Variants in NID2 observed in about 807,000 individuals in gnomAD.
NID2 encodes the protein nidogen-2.
A neutral mutation model predicts 145.4 loss-of-function variants in NID2; 83 were observed. That is an observed-to-expected ratio of 0.57 (90% confidence interval 0.48 to 0.69). NID2 has a LOEUF of 0.69. Ranked by LOEUF, NID2 falls within the 30% of genes least tolerant of loss-of-function variation. The pLI, the probability that NID2 is intolerant of heterozygous loss-of-function variation, is 0.00. For synonymous variants in NID2, 739 were observed against 701.3 expected (o/e 1.05, Z -0.85); for missense variants, 1,807 against 1,765.7 (o/e 1.02, Z -0.42).
At chr14:52,021,200 G>A (rs1595013111) in intron 12 of NID2, among the ~76,000 whole-genome samples, 1 of 129,308 alleles carries the variant, frequency 7.7e-6, no homozygotes, top group African/African-American at 3.0e-5. Context: ...TAATAACCAA[G>A]TTTCTTTAAA....
At chr14:52,047,238 G>T (rs1041622900) in intron 5 of NID2, among the ~76,000 whole-genome samples, 1 of 152,146 alleles carries the variant, frequency 6.6e-6, no homozygotes, top group African/African-American at 2.4e-5. Flanking sequence ...AAGAAATACA[G>T]CAGAGAAAGA....
chr14:52,032,900 A>C (rs1186732611), intron 9 of NID2, among the ~76,000 whole-genome samples: 1 of 152,138 alleles, frequency 6.6e-6, no homozygotes, highest in Non-Finnish European at 1.5e-5. Flanking sequence ...CTAATTACTC[A>C]ATACTGATTT....
chr14:52,023,702 A>C (rs1309421808), intron 12 of NID2, among the ~76,000 whole-genome samples: 1 of 152,188 alleles, frequency 6.6e-6, no homozygotes, highest in Non-Finnish European at 1.5e-5. Flanking sequence ...ATGTCTGAGA[A>C]ATATCCAGCT....
intron 9 of NID2, among the ~76,000 whole-genome samples, chr14:52,035,679 C>CATTTATTTTTAT (rs1227446986): frequency 6.6e-6 from 1 of 151,126 alleles, no homozygotes; most frequent in Admixed American, 6.6e-5. Flanking sequence ...TATTTGCTTC[C>CATTTATTTTTAT]ATTTATTTTT....
chr14:52,030,761 G>T (rs1279540208), intron 9 of NID2, among the ~76,000 whole-genome samples: 1 of 152,190 alleles, frequency 6.6e-6, no homozygotes, highest in African/African-American at 2.4e-5. Context: ...TGAGGCAGGA[G>T]GATGACTTGA....
chr14:52,050,652 T>C (rs1426536853), intron 5 of NID2, among the ~76,000 whole-genome samples: 1 of 152,184 alleles, frequency 6.6e-6, no homozygotes, highest in Non-Finnish European at 1.5e-5. Context: ...TCTCTGTTGC[T>C]CAGGCTATGC....
At chr14:52,061,102 C>T (rs1179959001) in intron 2 of NID2, among the ~76,000 whole-genome samples, 1 of 152,176 alleles carries the variant, frequency 6.6e-6, no homozygotes, top group Non-Finnish European at 1.5e-5. Context: ...TACGTCCCTC[C>T]CAGGCTCAGT....
At chr14:52,014,687 TCAGAACAAAG>T (rs1482022045) in intron 15 of NID2, among the ~76,000 whole-genome samples, 1 of 151,014 alleles carries the variant, frequency 6.6e-6, no homozygotes, top group Admixed American at 6.6e-5. Flanking sequence ...AACACTTCCC[TCAGAACAAAG>T]CAGAACAGAT....
chr14:52,055,944 T>TGTGTGTTTGC (rs1892831167), intron 3 of NID2, among the ~76,000 whole-genome samples: 1 of 151,490 alleles, frequency 6.6e-6, no homozygotes, highest in Non-Finnish European at 1.5e-5. Context: ...TGTGTGTTTG[T>TGTGTGTTTGC]GTGTGTGTGT....
chr14:52,010,991 T>C lies in NID2; in HGVS notation c.3607A>G (p.Thr1203Ala), dbSNP rs977946410. ...IDHIRRTMYW[T>A]DSVLDKIESA... ...TCTATCTTATCCAGGACACTGTCCGTCCAGTACATTGTTCTGCGGATGTGG... is the reference window on the plus strand; with the variant it reads ...TCTATCTTATCCAGGACACTGTCCGCCCAGTACATTGTTCTGCGGATGTGG... Residue 1203 changes from threonine to alanine, a missense_variant, in exon 18 of 22, where the codon ACG becomes GCG. Transcript: ENST00000216286. 1.9e-6 allele frequency: 3 copies of C among 1,614,186 alleles called. No individual in the cohort carries two copies. The highest frequency in any genetic ancestry group is 1.7e-5 in the Admixed American group (1 of 60,028).
chr14:52,042,820 G>T lies in NID2; in HGVS notation c.1541C>A (p.Ser514Tyr). The T allele has an allele frequency of 6.2e-7, 1 of 1,614,166 alleles. No homozygotes were observed. The highest frequency in any genetic ancestry group is 2.2e-5 in the East Asian group (1 of 44,884). Residue 514 changes from serine to tyrosine, a missense_variant, in exon 6 of 22, where the codon TCC (serine) becomes TAC (tyrosine). Physicochemically the swap from Ser to Tyr is moderately radical, Grantham distance 144. Transcript: ENST00000216286. ...GTGCTTCCCATTTCCATAAAACTTG[G>T]ATTGGCAGTGGCAGCAGAAGCCAGT... ...YATGFCCHCQ[S>Y]KFYGNGKHCL...
intron 18 of NID2, chr14:52,010,215 G>C (rs1010322417): frequency 7.9e-5 from 12 of 152,188 alleles, no homozygotes; most frequent in Admixed American, 6.5e-4. Flanking sequence ...AATTAAAGCT[G>C]AAGGTTTTCT....
Position 52,006,454 on chromosome 14 carries a change from G to T in NID2, c.4004+83C>A, listed in dbSNP as rs1890786189. The T allele has an allele frequency of 2.6e-6, 4 of 1,535,954 alleles. No homozygotes were observed. In the South Asian group the frequency reaches 4.8e-5, roughly 18 times the overall value. On this transcript the variant is annotated intron_variant, in intron 20 of 21. Coordinates refer to ENST00000216286, the MANE Select transcript of NID2 (RefSeq NM_007361.4). Reference sequence around the variant, plus strand: ...TCAGAGGGCTTAATGAGTCAAGTCAGGTACTGACTTTTGGTAAAACAAGTG... The same window carrying T: ...TCAGAGGGCTTAATGAGTCAAGTCATGTACTGACTTTTGGTAAAACAAGTG...
At chr14:52,036,213 T>C (rs2516594) in intron 9 of NID2, among the ~76,000 whole-genome samples, 82,104 of 151,964 alleles carry the variant, frequency 0.54, 22,556 homozygotes, top group Middle Eastern at 0.59. Flanking sequence ...ATGAATATGC[T>C]TTCTATGTAT....
At chr14:52,010,767 A>G (rs936178838) in intron 18 of NID2, 109 bp downstream of exon 18, 12 of 1,091,404 alleles carry the variant, frequency 1.1e-5, no homozygotes, top group African/African-American at 3.1e-5. Context: ...ACATGAATGC[A>G]TTTGAGCTTT....
chr14:52,060,117 T>A lies in NID2; in HGVS notation c.767+7A>T. 6.3e-7 allele frequency: 1 copy of A among 1,587,812 alleles called. No homozygotes were observed. Among genetic ancestry groups the A allele is most frequent in the Non-Finnish European group, 8.6e-7 (1 of 1,158,712 alleles). ...ATAGGAAAGGGCTTCAGCTCAATGT[T>A]ACTTACTGATAGAGATTTTTCACAG... On this transcript the variant is annotated splice_region_variant and intron_variant, in intron 3 of 21. Transcript: ENST00000216286.
chr14:52,057,777 T>C (rs1425190904), intron 3 of NID2, among the ~76,000 whole-genome samples: 1 of 152,008 alleles, frequency 6.6e-6, no homozygotes, highest in Non-Finnish European at 1.5e-5. Flanking sequence ...GCAAAATGTT[T>C]ACAATGTATA....
chr14:52,008,761 T>C (rs1368269398), intron 18 of NID2: 1 of 152,190 alleles, frequency 6.6e-6, no homozygotes, highest in Non-Finnish European at 1.5e-5. Context: ...ATACAAACTA[T>C]GGAACTTGAA....
intron 14 of NID2, 43 bp from the exon 15 acceptor site, chr14:52,015,318 T>C: frequency 6.4e-7 from 1 of 1,555,684 alleles, no homozygotes; most frequent in African/African-American, 1.4e-5. Flanking sequence ...CCTTTGATTG[T>C]GAGTCAAGGA....
Sources: gnomAD v4.1 joint callset for allele counts (sites outside exome capture counted in the v4.1 genomes callset) on GRCh38, gnomAD v4.1.1 for gene constraint, MANE v1.5 for transcripts, NCBI Gene and HGNC (gene_info 2026-07-23, HGNC 2026-07-21) for gene names.